Variants in LRFN5 observed in about 807,000 individuals in gnomAD.
LRFN5 encodes leucine-rich repeat and fibronectin type-III domain-containing protein 5.
Under a neutral mutation model 45.6 loss-of-function variants are expected in LRFN5, and 24 were observed. That is an observed-to-expected ratio of 0.53 (90% CI 0.38 to 0.74). LRFN5 has a LOEUF of 0.74. LRFN5 is among the 30% of genes least tolerant of loss of function. The pLI is 0.00. For synonymous variants in LRFN5, 340 were observed against 313.8 expected, an observed-to-expected ratio of 1.08 and a Z score of -0.88; for missense variants, 776 against 861.5, an observed-to-expected ratio of 0.90 and a Z score of 1.24.
At chr14:41,674,372 G>C (rs1439271924) in intron 1 of LRFN5, among the ~76,000 whole-genome samples, 27 of 130,664 alleles carry the variant, frequency 2.1e-4, no homozygotes, top group African/African-American at 7.9e-4. Context: ...CTGGCCGGGC[G>C]GGGGGCTGAC....
intron 2 of LRFN5, among the ~76,000 whole-genome samples, chr14:41,845,090 A>G (rs1290055178): frequency 6.6e-6 from 1 of 152,134 alleles, no homozygotes; most frequent in Non-Finnish European, 1.5e-5. Context: ...ATTTTATCTA[A>G]CACTAGGCTC....
chr14:41,675,426 C>T (rs1040684856), intron 1 of LRFN5, among the ~76,000 whole-genome samples: 6 of 152,364 alleles, frequency 3.9e-5, no homozygotes, highest in African/African-American at 1.4e-4. Context: ...CACAGCGAAA[C>T]CCCGTCTCCA....
intron 2 of LRFN5, among the ~76,000 whole-genome samples, chr14:41,820,997 G>A (rs981726001): frequency 6.6e-6 from 1 of 151,942 alleles, no homozygotes; most frequent in Non-Finnish European, 1.5e-5. Context: ...ATTTTCAAAT[G>A]TCAAAGTCTT....
intron 2 of LRFN5, among the ~76,000 whole-genome samples, chr14:41,831,105 A>G (rs1888461965): frequency 6.6e-6 from 1 of 152,204 alleles, no homozygotes; most frequent in Non-Finnish European, 1.5e-5. Flanking sequence ...TTTATTTTGA[A>G]TAAAGTGAGT....
At chr14:41,844,101 A>G (rs781749922) in intron 2 of LRFN5, among the ~76,000 whole-genome samples, 10 of 152,182 alleles carry the variant, frequency 6.6e-5, no homozygotes, top group Non-Finnish European at 1.3e-4. Context: ...AATGGAAAAG[A>G]TAACAATGTC....
chr14:41,832,766 C>T (rs75836695), intron 2 of LRFN5, among the ~76,000 whole-genome samples: 1,887 of 152,238 alleles, frequency 0.012, 40 homozygotes, highest in African/African-American at 0.042. Context: ...ATACCATTAC[C>T]GATTTTTCAA....
intron 2 of LRFN5, among the ~76,000 whole-genome samples, chr14:41,773,973 C>T (rs373069025): frequency 6.6e-6 from 1 of 152,212 alleles, no homozygotes; most frequent in East Asian, 1.9e-4. Context: ...AGAGGAGTCT[C>T]TGCTGTCTCT....
chr14:41,632,982 C>T (rs929302849), intron 1 of LRFN5, among the ~76,000 whole-genome samples: 2 of 152,044 alleles, frequency 1.3e-5, no homozygotes, highest in Admixed American at 1.3e-4. Context: ...TAACAAAGTA[C>T]AGAATTTGCA....
chr14:41,774,839 A>T (rs971482176), intron 2 of LRFN5, among the ~76,000 whole-genome samples: 3 of 152,172 alleles, frequency 2.0e-5, no homozygotes, highest in African/African-American at 7.2e-5. Flanking sequence ...TGTAGGCGAT[A>T]TATAGGTTAG....
chr14:41,893,199 A>T, intron 4 of LRFN5: 2 of 978,824 alleles, frequency 2.0e-6, no homozygotes, highest in South Asian at 9.5e-5. Context: ...AGAATACATA[A>T]TTTTTTAAAA....
rs1169414507 is a variant in LRFN5, at chr14:41,628,828, C to T, written c.-197+20266C>T. On this transcript the variant is annotated intron_variant, in intron 1 of 5. Coordinates refer to ENST00000298119, the MANE Select transcript of LRFN5 (RefSeq NM_152447.5). ...AAACAGGAAACTTCGTGTGCCCTGG[C>T]AGTGTGTAAGGTGACATCTCAACAT... is the stretch of plus-strand genomic sequence containing the variant. Among the ~76,000 whole-genome samples, 3 of 152,204 alleles carry T rather than the reference C, an allele frequency of 2.0e-5. No individual in the cohort carries two copies. The East Asian group carries it at 5.8e-4, about 29-fold the overall frequency.
At chr14:41,814,489 A>C (rs1887849297) in intron 2 of LRFN5, among the ~76,000 whole-genome samples, 1 of 152,132 alleles carries the variant, frequency 6.6e-6, no homozygotes, top group South Asian at 2.1e-4. Flanking sequence ...TTTTCTCCTT[A>C]ATTTCTTGAC....
chr14:41,792,829 T>G (rs1886975309), intron 2 of LRFN5, among the ~76,000 whole-genome samples: 1 of 152,022 alleles, frequency 6.6e-6, no homozygotes, highest in Admixed American at 6.6e-5. Flanking sequence ...ACCTATATCC[T>G]CAGCTTACAA....
At chr14:41,821,849 G>T (rs1888125080) in intron 2 of LRFN5, among the ~76,000 whole-genome samples, 1 of 150,914 alleles carries the variant, frequency 6.6e-6, no homozygotes, top group Non-Finnish European at 1.5e-5. Flanking sequence ...CTCATTATTT[G>T]TCTACTCAAG....
intron 1 of LRFN5, chr14:41,700,139 G>A (rs1395889294): frequency 2.0e-5 from 3 of 152,128 alleles, no homozygotes; most frequent in African/African-American, 7.2e-5. Flanking sequence ...TAATGGAGAA[G>A]TAGGTGATTT....
intron 1 of LRFN5, among the ~76,000 whole-genome samples, chr14:41,628,808 G>A (rs760690213): frequency 7.9e-5 from 12 of 152,080 alleles, no homozygotes; most frequent in Non-Finnish European, 1.5e-4. Context: ...TGATAAAACA[G>A]GAAACTTCGT....
chr14:41,749,210 T>C lies in LRFN5; in HGVS notation c.-196-17644T>C, dbSNP rs189612097. ...CAATTAAATTTCCAATACATGAGCG[T>C]TGAGAGACGTATGCAAACAGTAACA... On this transcript the variant is annotated intron_variant, in intron 1 of 5. Coordinates refer to ENST00000298119, the MANE Select transcript of LRFN5 (RefSeq NM_152447.5). Among the ~76,000 whole-genome samples, 374 of 152,256 alleles carry C rather than the reference T, an allele frequency of 2.5e-3. 2 individuals carry two copies. The highest frequency in any genetic ancestry group is 3.5e-3 in the Non-Finnish European group (238 of 68,010).
chr14:41,614,174 T>G (rs1295587811), intron 1 of LRFN5, among the ~76,000 whole-genome samples: 1 of 152,104 alleles, frequency 6.6e-6, no homozygotes, highest in Non-Finnish European at 1.5e-5. Flanking sequence ...TGCACTTGTT[T>G]TTATTAGTGT....
intron 2 of LRFN5, among the ~76,000 whole-genome samples, chr14:41,827,543 AT>A (rs1173617609): frequency 6.6e-6 from 1 of 151,974 alleles, no homozygotes; most frequent in African/African-American, 2.4e-5. Context: ...TCAAAGGAAA[AT>A]TTTTTAAAAA....
Sources: allele counts gnomAD v4.1 joint callset (sites outside exome capture counted in the v4.1 genomes callset), GRCh38; gene constraint gnomAD v4.1.1; transcripts MANE v1.5; gene names NCBI Gene and HGNC (gene_info 2026-07-23, HGNC 2026-07-21).